The following MAPK10 variants were observed in gnomAD, a reference collection of about 807,000 sequenced individuals.
MAPK10 encodes mitogen-activated protein kinase 10, also known as JNK3 alpha protein kinase.
In MAPK10, 25 loss-of-function variants were observed where a neutral mutation model predicts 59.3. That is an observed-to-expected ratio of 0.42 (90% confidence interval 0.31 to 0.59). The LOEUF (loss-of-function observed/expected upper bound fraction) is 0.59. Ranked by LOEUF, MAPK10 falls within the 20% of genes least tolerant of loss-of-function variation. MAPK10 has a pLI of 0.15. For missense variants in MAPK10, 351 were observed against 568.9 expected, an observed-to-expected ratio of 0.62 and a Z score of 3.90; for synonymous variants, 190 against 200.5, an observed-to-expected ratio of 0.95 and a Z score of 0.44.
intron 11 of MAPK10, among the ~76,000 whole-genome samples, chr4:86,042,681 A>G (rs897308237): frequency 6.6e-6 from 1 of 152,150 alleles, no homozygotes; most frequent in Admixed American, 6.6e-5. Flanking sequence ...ACCACAAAGT[A>G]AAAATTTATG....
At chr4:86,115,001 C>A (rs1474960584) in intron 4 of MAPK10, among the ~76,000 whole-genome samples, 2 of 152,244 alleles carry the variant, frequency 1.3e-5, no homozygotes, top group African/African-American at 4.8e-5. Flanking sequence ...TCAGTTCAAA[C>A]CACCCAGTCT....
At chr4:86,075,611 C>G (rs2049147075) in intron 9 of MAPK10, among the ~76,000 whole-genome samples, 2 of 152,052 alleles carry the variant, frequency 1.3e-5, no homozygotes, top group Non-Finnish European at 2.9e-5. Context: ...TTCCTTCTAA[C>G]AGACAGGACC....
intron 1 of MAPK10, among the ~76,000 whole-genome samples, chr4:86,403,123 A>T (rs1743929700): frequency 6.6e-6 from 1 of 152,194 alleles, no homozygotes; most frequent in South Asian, 2.1e-4. Flanking sequence ...TTCAGAAACA[A>T]GAGATAGTGA....
chr4:86,246,130 C>A (rs113551997), intron 2 of MAPK10, among the ~76,000 whole-genome samples: 2 of 152,082 alleles, frequency 1.3e-5, no homozygotes, highest in African/African-American at 2.4e-5. Flanking sequence ...AATTAAATAA[C>A]CTTAAAAGTC....
At chr4:86,513,962 TC>T (rs1429116411) in intron 1 of MAPK10, among the ~76,000 whole-genome samples, 1 of 152,042 alleles carries the variant, frequency 6.6e-6, no homozygotes, top group Non-Finnish European at 1.5e-5. Context: ...GCCAACCACT[TC>T]CCTCAAACAT....
At chr4:86,380,281 A>C (rs1431128553) in intron 1 of MAPK10, among the ~76,000 whole-genome samples, 2 of 152,120 alleles carry the variant, frequency 1.3e-5, no homozygotes, top group Non-Finnish European at 2.9e-5. Context: ...TGTTTGTCTC[A>C]GCCTCTGTCA....
intron 11 of MAPK10, among the ~76,000 whole-genome samples, chr4:86,062,624 T>G (rs1295977863): frequency 1.3e-5 from 2 of 152,088 alleles, no homozygotes; most frequent in African/African-American, 2.4e-5. Flanking sequence ...TGCCACATAG[T>G]GAGGCATAAG....
intron 13 of MAPK10, among the ~76,000 whole-genome samples, chr4:86,018,500 G>A (rs1159592534): frequency 2.0e-5 from 3 of 152,092 alleles, no homozygotes; most frequent in Non-Finnish European, 1.5e-5. Context: ...TCTGTTATGC[G>A]GGAGTATAAG....
intron 2 of MAPK10, among the ~76,000 whole-genome samples, chr4:86,245,072 T>C (rs954379887): frequency 6.6e-6 from 1 of 152,316 alleles, no homozygotes; most frequent in Non-Finnish European, 1.5e-5. Flanking sequence ...TCTATTTCAT[T>C]TCATACATCT....
At chr4:86,579,513 GTA>G (rs1288988670) in intron 1 of MAPK10, among the ~76,000 whole-genome samples, 4 of 92,764 alleles carry the variant, frequency 4.3e-5, no homozygotes, top group Non-Finnish European at 6.8e-5. Flanking sequence ...ATGGATATGT[GTA>G]TACACACACA....
chr4:86,191,481 C>G (rs958306797), intron 3 of MAPK10: 3 of 150,244 alleles, frequency 2.0e-5, no homozygotes, highest in Non-Finnish European at 4.4e-5. Flanking sequence ...GTTGCATTGA[C>G]CCCTTTACCT....
intron 1 of MAPK10, among the ~76,000 whole-genome samples, chr4:86,438,284 G>A (rs1426147278): frequency 1.3e-5 from 2 of 152,174 alleles, no homozygotes; most frequent in Non-Finnish European, 2.9e-5. Flanking sequence ...TTGGGTAAAA[G>A]TAATTAAAAA....
chr4:86,211,817 G>A (rs2085893368), intron 2 of MAPK10, among the ~76,000 whole-genome samples: 2 of 152,022 alleles, frequency 1.3e-5, no homozygotes, highest in African/African-American at 2.4e-5. Flanking sequence ...AGGGATTAAG[G>A]ACAAAGCTGG....
At chr4:86,216,911 A>AT (rs991016097) in intron 2 of MAPK10, among the ~76,000 whole-genome samples, 1 of 152,154 alleles carries the variant, frequency 6.6e-6, no homozygotes, top group East Asian at 1.9e-4. Flanking sequence ...AAAAATGCAT[A>AT]TTTTTAATAA....
chr4:86,030,701 A>G lies in MAPK10; in HGVS notation c.1174+667T>C, dbSNP rs1316035238. On this transcript the variant is annotated intron_variant, in intron 12 of 13. Transcript: ENST00000641462. ...TGTTTTCCTCTTAGTCCTTTATCTG[A>G]TATTTTCTTAATATTTTTTCTTTTC... Among the ~76,000 whole-genome samples, 6 of 151,966 alleles carry G rather than the reference A, an allele frequency of 3.9e-5. 1 individual carries two copies. Among genetic ancestry groups the G allele is most frequent in the Non-Finnish European group, 8.8e-5 (6 of 68,000 alleles).
chr4:86,086,983 C>G (rs1444788535), intron 9 of MAPK10, among the ~76,000 whole-genome samples: 1 of 151,942 alleles, frequency 6.6e-6, no homozygotes, highest in African/African-American at 2.4e-5. Flanking sequence ...CAAATATGTC[C>G]CCATACAAGA....
At chr4:86,411,411 A>G (rs1287706942) in intron 1 of MAPK10, among the ~76,000 whole-genome samples, 2 of 151,274 alleles carry the variant, frequency 1.3e-5, no homozygotes, top group African/African-American at 4.9e-5. Context: ...GTAGATGTCT[A>G]TTAAGTCAGC....
At chr4:86,279,436 A>C (rs2148793931) in intron 2 of MAPK10, among the ~76,000 whole-genome samples, 1 of 152,286 alleles carries the variant, frequency 6.6e-6, no homozygotes, top group East Asian at 1.9e-4. Flanking sequence ...CAATTAAATT[A>C]ACTTTCAGTG....
At chr4:86,206,774 A>T (rs2084147644) in intron 2 of MAPK10, among the ~76,000 whole-genome samples, 1 of 152,000 alleles carries the variant, frequency 6.6e-6, no homozygotes, top group African/African-American at 2.4e-5. Flanking sequence ...TGTGGTTTTG[A>T]TTTACATTTC....
Sources: gnomAD v4.1 joint callset for allele counts (sites outside exome capture counted in the v4.1 genomes callset) on GRCh38, gnomAD v4.1.1 for gene constraint, MANE v1.5 for transcripts, NCBI Gene and HGNC (gene_info 2026-07-23, HGNC 2026-07-21) for gene names.